KALRN: variants seen among roughly 807,000 people sequenced by gnomAD.
KALRN encodes kalirin RhoGEF kinase, also known as kalirin.
Under a neutral mutation model 353.7 loss-of-function variants are expected in KALRN, and 70 were observed. The observed-to-expected ratio is 0.20, with a 90% confidence interval of 0.16 to 0.24. KALRN has a LOEUF of 0.24. Among genes scored for constraint, KALRN ranks in the 10% least tolerant of loss-of-function variants. The pLI is 1.00. For synonymous variants in KALRN, 1,391 were observed against 1,434.8 expected (o/e 0.97, Z 0.69); for missense variants, 2,791 against 3,756.7 (o/e 0.74, Z 6.72).
chr3:124,523,271 A>C (rs1373953576), intron 33 of KALRN, among the ~76,000 whole-genome samples: 1 of 152,198 alleles, frequency 6.6e-6, no homozygotes, highest in Non-Finnish European at 1.5e-5. Context: ...GGGATCATTA[A>C]AATCCAGGAC....
chr3:124,642,806 G>GTTTTTTTTTTTTTTT (rs71145471), intron 37 of KALRN, among the ~76,000 whole-genome samples: 1 of 96,840 alleles, frequency 1.0e-5, no homozygotes, highest in African/African-American at 4.5e-5. Context: ...CCCAAGCCTC[G>GTTTTTTTTTTTTTTT]TTTTTTTTTT....
chr3:124,462,803 A>G (rs1245448241), intron 25 of KALRN, 170 bp downstream of exon 25: 3 of 558,306 alleles, frequency 5.4e-6, no homozygotes, highest in Non-Finnish European at 9.5e-6. Flanking sequence ...TAATTGTCCG[A>G]AAGTCCTAGT....
chr3:124,705,621 G>A (rs2062565089), intron 57 of KALRN, among the ~76,000 whole-genome samples: 1 of 152,192 alleles, frequency 6.6e-6, no homozygotes, highest in East Asian at 1.9e-4. Flanking sequence ...TCAGAAGGGA[G>A]TGAAAACTGA....
chr3:124,567,387 C>T (rs2072987070), intron 34 of KALRN, among the ~76,000 whole-genome samples: 1 of 152,162 alleles, frequency 6.6e-6, no homozygotes, highest in East Asian at 1.9e-4. Context: ...CTCCTCTCTG[C>T]CCTTCCCTCC....
rs191228918 is a variant in KALRN at position 124,175,605 on chromosome 3, G to T, written c.74-52385G>T. On this transcript the variant is annotated intron_variant, in intron 1 of 59. Coordinates refer to ENST00000682506, the MANE Select transcript of KALRN (RefSeq NM_001388419.1). ...CCAGGATGTGGAGGTGCGCGCTGCC[G>T]AGTGTCCAGGCCTGATCTCCAGGAT... Among the ~76,000 whole-genome samples the T allele has an allele frequency of 2.1e-4, 31 of 148,514 alleles. No individual in the cohort carries two copies. In the East Asian group the frequency reaches 6.0e-3, roughly 29 times the overall value.
chr3:124,520,850 C>T (rs2067105276), intron 33 of KALRN, among the ~76,000 whole-genome samples: 1 of 152,188 alleles, frequency 6.6e-6, no homozygotes, highest in African/African-American at 2.4e-5. Context: ...TCCTGAGAGG[C>T]AGGTAGTACT....
At chr3:124,130,908 CCAAA>C (rs1432035226) in intron 1 of KALRN, among the ~76,000 whole-genome samples, 4 of 152,118 alleles carry the variant, frequency 2.6e-5, no homozygotes, top group Non-Finnish European at 5.9e-5. Flanking sequence ...ACTTATATGA[CCAAA>C]CAAACCTAAT....
intron 15 of KALRN, among the ~76,000 whole-genome samples, chr3:124,427,162 A>G (rs547788372): frequency 3.3e-5 from 5 of 152,328 alleles, no homozygotes; most frequent in African/African-American, 1.2e-4. Flanking sequence ...ATTGAAGTAG[A>G]TCCAAAAGAG....
intron 34 of KALRN, among the ~76,000 whole-genome samples, chr3:124,591,666 G>C (rs2075786074): frequency 6.6e-6 from 1 of 151,818 alleles, no homozygotes; most frequent in South Asian, 2.1e-4. Flanking sequence ...CATAATGCCA[G>C]GCATATAAAG....
intron 1 of KALRN, among the ~76,000 whole-genome samples, chr3:124,189,057 G>A (rs984172059): frequency 6.6e-6 from 1 of 152,104 alleles, no homozygotes; most frequent in Admixed American, 6.5e-5. Context: ...TGCCTCAGAG[G>A]GAAACAATAT....
intron 32 of KALRN, among the ~76,000 whole-genome samples, chr3:124,496,078 G>A (rs539590016): frequency 1.4e-5 from 2 of 141,056 alleles, no homozygotes; most frequent in South Asian, 4.8e-4. Context: ...TGGGGAAGGG[G>A]GTCATTTTGC....
rs145333038 is a variant in KALRN at position 124,260,107 on chromosome 3, T to A, written c.264-4391T>A. ...CCTGCATCCACTCCAGTCTCGTCTC[T>A]TGCAAGGCCTGATTCTAACATTGTG... On this transcript the variant is annotated intron_variant, in intron 3 of 59. Transcript: ENST00000682506. Among the ~76,000 whole-genome samples, 467 of 152,312 alleles carry A rather than the reference T, an allele frequency of 3.1e-3. 3 individuals are homozygous for A. The highest frequency in any genetic ancestry group is 0.01 in the African/African-American group (432 of 41,560).
chr3:124,646,699 AT>A (rs11368212), intron 37 of KALRN, among the ~76,000 whole-genome samples: 49,874 of 144,758 alleles, frequency 0.34, 8,531 homozygotes, highest in East Asian at 0.42. Context: ...CCTCTTTTCC[AT>A]TTTTTTTTTT....
chr3:124,250,950 C>T (rs917784464), intron 3 of KALRN, among the ~76,000 whole-genome samples: 1 of 152,128 alleles, frequency 6.6e-6, no homozygotes, highest in Non-Finnish European at 1.5e-5. Flanking sequence ...CTGAACCCAC[C>T]CCTTTGCCAC....
intron 28 of KALRN, among the ~76,000 whole-genome samples, chr3:124,483,604 G>A (rs1453406238): frequency 6.6e-6 from 1 of 152,074 alleles, no homozygotes; most frequent in Non-Finnish European, 1.5e-5. Context: ...AGTCCTAAGG[G>A]CAGTGCCAGT....
intron 1 of KALRN, among the ~76,000 whole-genome samples, chr3:124,104,509 GA>G (rs770412749): frequency 9.0e-4 from 136 of 151,938 alleles, no homozygotes; most frequent in African/African-American, 3.2e-3. Flanking sequence ...GCATCTGTGT[GA>G]TAAGAGTTAA....
rs777870982 is a variant in KALRN, at chr3:124,678,167, T to C, written c.7194-23T>C. 3 of 1,611,930 alleles carry C rather than the reference T, an allele frequency of 1.9e-6. No individual in the cohort carries two copies. In the African/African-American group the frequency reaches 4.0e-5, roughly 21 times the overall value. ...GCTGTCCCTGACCTGCCATTTTGATTGGTGCATTTTTTGGTACAACAGGAA... is the reference window on the plus strand; with the variant it reads ...GCTGTCCCTGACCTGCCATTTTGATCGGTGCATTTTTTGGTACAACAGGAA... On this transcript the variant is annotated intron_variant, in intron 49 of 59. Coordinates refer to ENST00000682506, the MANE Select transcript of KALRN (RefSeq NM_001388419.1).
chr3:124,075,233 C>T (rs1271493057), intron 1 of KALRN, among the ~76,000 whole-genome samples: 1 of 152,208 alleles, frequency 6.6e-6, no homozygotes. Context: ...TTTGGGCAGC[C>T]TCGCCACAAT....
chr3:124,382,569 G>A (rs7637218), intron 10 of KALRN, among the ~76,000 whole-genome samples: 6,919 of 152,204 alleles, frequency 0.045, 524 homozygotes, highest in African/African-American at 0.15. Flanking sequence ...ATCACCTTAC[G>A]TGTGGTAGAC....
Sources: gnomAD v4.1 joint callset for allele counts (sites outside exome capture counted in the v4.1 genomes callset) on GRCh38, gnomAD v4.1.1 for gene constraint, MANE v1.5 for transcripts, NCBI Gene and HGNC (gene_info 2026-07-23, HGNC 2026-07-21) for gene names.